The following ANKS1B variants were observed in gnomAD, a reference collection of about 807,000 sequenced individuals.
ANKS1B encodes the protein ankyrin repeat and sterile alpha motif domain containing 1B.
Under a neutral mutation model 148.3 loss-of-function variants are expected in ANKS1B, and 36 were observed. That is an observed-to-expected ratio of 0.24 (90% CI 0.19 to 0.32). ANKS1B has a LOEUF of 0.32. Ranked by LOEUF, ANKS1B falls within the 10% of genes least tolerant of loss-of-function variation. The pLI is 1.00. For missense variants in ANKS1B, 1,157 were observed against 1,542.6 expected, an observed-to-expected ratio of 0.75 and a Z score of 4.19; for synonymous variants, 542 against 560.8, an observed-to-expected ratio of 0.97 and a Z score of 0.47.
At chr12:98,797,156 C>T (rs2098957086) in intron 22 of ANKS1B, among the ~76,000 whole-genome samples, 2 of 152,086 alleles carry the variant, frequency 1.3e-5, no homozygotes, top group Admixed American at 1.3e-4. Flanking sequence ...ACAAATTAGG[C>T]CAGATAAATA....
intron 9 of ANKS1B, among the ~76,000 whole-genome samples, chr12:99,627,356 G>C (rs2098120452): frequency 6.6e-6 from 1 of 152,208 alleles, no homozygotes; most frequent in East Asian, 1.9e-4. Context: ...CTATAATAAA[G>C]GCTAATGTTT....
intron 17 of ANKS1B, among the ~76,000 whole-genome samples, chr12:98,880,796 A>C (rs1318304150): frequency 6.6e-6 from 1 of 151,982 alleles, no homozygotes. Flanking sequence ...AAAAATAAAA[A>C]ATAAAACAAC....
chr12:99,307,924 A>G (rs558816196), intron 12 of ANKS1B, among the ~76,000 whole-genome samples: 1 of 152,164 alleles, frequency 6.6e-6, no homozygotes, highest in South Asian at 2.1e-4. Context: ...ATGTCTCCCA[A>G]TCACTGGTTC....
chr12:99,751,855 T>C (rs1263779679), intron 8 of ANKS1B, among the ~76,000 whole-genome samples: 1 of 152,084 alleles, frequency 6.6e-6, no homozygotes, highest in Non-Finnish European at 1.5e-5. Context: ...CAAATTGGAA[T>C]GAAGGTTCAA....
At chr12:99,383,033 C>T (rs964108086) in intron 12 of ANKS1B, among the ~76,000 whole-genome samples, 1 of 152,160 alleles carries the variant, frequency 6.6e-6, no homozygotes, top group African/African-American at 2.4e-5. Context: ...GACATCTACC[C>T]TCTGTCCTTT....
At chr12:99,035,447 C>A (rs1446166908) in intron 17 of ANKS1B, among the ~76,000 whole-genome samples, 2 of 152,146 alleles carry the variant, frequency 1.3e-5, no homozygotes, top group Non-Finnish European at 2.9e-5. Flanking sequence ...AGCATTAGAT[C>A]AGACCCTTTT....
At chr12:99,468,133 T>A (rs376749139) in intron 10 of ANKS1B, among the ~76,000 whole-genome samples, 1 of 151,970 alleles carries the variant, frequency 6.6e-6, no homozygotes, top group African/African-American at 2.4e-5. Context: ...GAAATAATGC[T>A]GCATATCTAC....
intron 12 of ANKS1B, among the ~76,000 whole-genome samples, chr12:99,297,758 T>C (rs1272472963): frequency 6.6e-6 from 1 of 152,154 alleles, no homozygotes; most frequent in African/African-American, 2.4e-5. Context: ...CAACTCCAGA[T>C]CTAGTGTTCT....
chr12:99,067,826 C>A (rs1381888365), intron 16 of ANKS1B, among the ~76,000 whole-genome samples: 1 of 151,920 alleles, frequency 6.6e-6, no homozygotes, highest in Non-Finnish European at 1.5e-5. Flanking sequence ...ATAGCTTGAT[C>A]TTTAGGAAAA....
intron 9 of ANKS1B, among the ~76,000 whole-genome samples, chr12:98,735,810 A>ATAAG (rs1485557397): frequency 1.3e-5 from 2 of 152,176 alleles, no homozygotes; most frequent in Non-Finnish European, 2.9e-5. Context: ...GAAAAAGTAA[A>ATAAG]TAAGTAAAAT....
chr12:98,804,839 G>C (rs1371929345), intron 20 of ANKS1B, among the ~76,000 whole-genome samples: 2 of 152,124 alleles, frequency 1.3e-5, no homozygotes, highest in Non-Finnish European at 2.9e-5. Flanking sequence ...CATAATACTT[G>C]CATCTCCTCA....
chr12:99,375,239 C>T (rs890516844), intron 12 of ANKS1B, among the ~76,000 whole-genome samples: 1 of 152,180 alleles, frequency 6.6e-6, no homozygotes, highest in African/African-American at 2.4e-5. Context: ...TTCAGCAGCC[C>T]TGGTCTGTAT....
At chr12:98,793,720 A>G (rs114350294) in intron 22 of ANKS1B, among the ~76,000 whole-genome samples, 44 of 152,352 alleles carry the variant, frequency 2.9e-4, no homozygotes, top group African/African-American at 1.0e-3. Context: ...CTAACCATCA[A>G]CTATGGGATT....
intron 14 of ANKS1B, among the ~76,000 whole-genome samples, chr12:99,223,542 C>G (rs2085434253): frequency 6.6e-6 from 1 of 151,892 alleles, no homozygotes; most frequent in Admixed American, 6.6e-5. Context: ...CTATGCAGTT[C>G]ACAAAAAGGT....
At chr12:99,648,492 AAG>A (rs746231620) in intron 9 of ANKS1B, 3 of 1,613,988 alleles carry the variant, frequency 1.9e-6, no homozygotes, top group Admixed American at 3.3e-5. Flanking sequence ...CCACCCAGAA[AAG>A]AGAAAGTCCG....
At chr12:99,763,369 C>A (rs2062338412) in intron 8 of ANKS1B, among the ~76,000 whole-genome samples, 1 of 152,102 alleles carries the variant, frequency 6.6e-6, no homozygotes, top group Non-Finnish European at 1.5e-5. Context: ...AGGCCATTAT[C>A]CTAAGCAAAT....
intron 15 of ANKS1B, among the ~76,000 whole-genome samples, chr12:99,133,747 C>T (rs2066962985): frequency 6.6e-6 from 1 of 152,202 alleles, no homozygotes; most frequent in South Asian, 2.1e-4. Context: ...TGTCTCTTTG[C>T]AATCTTAGAA....
intron 11 of ANKS1B, among the ~76,000 whole-genome samples, chr12:99,442,824 G>T (rs529159640): frequency 6.6e-6 from 1 of 151,844 alleles, no homozygotes; most frequent in Non-Finnish European, 1.5e-5. Flanking sequence ...TTGGCTCAAA[G>T]GATTTATTCA....
At chr12:98,863,650 G>A (rs947394462) in intron 17 of ANKS1B, among the ~76,000 whole-genome samples, 7 of 152,182 alleles carry the variant, frequency 4.6e-5, no homozygotes, top group Non-Finnish European at 1.0e-4. Context: ...CTTTATGTCA[G>A]ATCAGTTGAT....
Sources: allele counts gnomAD v4.1 joint callset (sites outside exome capture counted in the v4.1 genomes callset), GRCh38; gene constraint gnomAD v4.1.1; transcripts MANE v1.5; gene names NCBI Gene and HGNC (gene_info 2026-07-23, HGNC 2026-07-21).